Variants in CCDC13 observed in about 807,000 individuals in gnomAD.
The protein encoded by CCDC13 is coiled-coil domain containing 13.
CCDC13 carries 70 observed loss-of-function variants against 87.3 expected under a neutral mutation model. That is an observed-to-expected ratio of 0.80 (90% confidence interval 0.66 to 0.98). CCDC13 has a LOEUF of 0.98. Among genes scored for constraint, CCDC13 ranks in the 50% least tolerant of loss-of-function variants. CCDC13 has a pLI of 0.00. For synonymous variants in CCDC13, 317 were observed against 360.3 expected (o/e 0.88, Z 1.36); for missense variants, 842 against 892.0 (o/e 0.94, Z 0.71).
chr3:42,708,090 G>A lies in CCDC13; in HGVS notation c.*890C>T, dbSNP rs966645196. ...TGAAGCTCCAGCTGAGCCCCACCTC[G>A]GCCCTCTGCCACCAGCATCCATCAG... is the stretch of plus-strand genomic sequence containing the variant. On this transcript the variant is annotated 3_prime_UTR_variant, in exon 16 of 16. Transcript: ENST00000310232. 3.3e-5 allele frequency among the ~76,000 whole-genome samples: 5 copies of A among 152,100 alleles called. No individual in the cohort carries two copies. Among genetic ancestry groups the A allele is most frequent in the Admixed American group, 6.6e-5 (1 of 15,262 alleles).
At chr3:42,715,309 C>CA (rs60229512) in intron 13 of CCDC13, among the ~76,000 whole-genome samples, 84 of 143,656 alleles carry the variant, frequency 5.8e-4, no homozygotes, top group South Asian at 2.0e-3. Flanking sequence ...AACTCTGTCT[C>CA]AAAAAAAAAA....
chr3:42,740,347 A>ATG (rs1699175347), intron 8 of CCDC13, among the ~76,000 whole-genome samples: 4 of 152,080 alleles, frequency 2.6e-5, no homozygotes, highest in African/African-American at 9.7e-5. Flanking sequence ...GGAAACTCAC[A>ATG]TGCAGCACAC....
rs767449560 is a variant in CCDC13, at chr3:42,731,896, G to A, written c.1595+991C>T. Among the ~76,000 whole-genome samples the A allele has an allele frequency of 1.3e-4, 20 of 152,306 alleles. No homozygotes were observed. In the Middle Eastern group the frequency reaches 0.017, roughly 130 times the overall value. ...TATTTGTGTGTTGTGGAAGAAACAA[G>A]CCTGACAACCAGCAGTCTGGGCAGC... On this transcript the variant is annotated intron_variant, in intron 12 of 15. Coordinates refer to ENST00000310232, the MANE Select transcript of CCDC13 (RefSeq NM_144719.4).
At chr3:42,705,470 G>C (rs1432915338), downstream of CCDC13, among the ~76,000 whole-genome samples, 1 of 152,218 alleles carries the variant, frequency 6.6e-6, no homozygotes, top group East Asian at 1.9e-4. Flanking sequence ...GGTCTCACCT[G>C]TCAGTGCTGG....
intron 1 of CCDC13, among the ~76,000 whole-genome samples, chr3:42,769,123 A>G (rs551540132): frequency 7.9e-5 from 12 of 152,314 alleles, no homozygotes; most frequent in Admixed American, 2.6e-4. Context: ...GGGCAACAAG[A>G]GTGAAACGCC....
rs1486779371 is a variant in CCDC13 at position 42,735,771 on chromosome 3, A to G, written c.1307T>C (p.Met436Thr). ...CACTTTGGCCTCCCGCTCAGCTACC[A>G]TGGCCTGCAGCTGGGCGACTAGGCT... ...SNSLVAQLQA[M>T]VAEREAKVRQ... The change falls in exon 10 of 16, where the codon ATG becomes ACG. Residue 436 changes from methionine to threonine, a missense_variant. Transcript: ENST00000310232. 97 of 1,614,042 alleles carry G rather than the reference A, an allele frequency of 6.0e-5. No homozygotes were observed. The highest frequency in any genetic ancestry group is 8.1e-5 in the Non-Finnish European group (95 of 1,180,024).
At chr3:42,738,593 G>C (rs1027689305) in intron 9 of CCDC13, among the ~76,000 whole-genome samples, 1 of 152,178 alleles carries the variant, frequency 6.6e-6, no homozygotes, top group African/African-American at 2.4e-5. Context: ...TCATTGAGCA[G>C]TGGTTTGTAG....
chr3:42,742,520 A>T (rs1699252877), intron 8 of CCDC13, among the ~76,000 whole-genome samples: 1 of 152,098 alleles, frequency 6.6e-6, no homozygotes, highest in Admixed American at 6.5e-5. Context: ...CCTGGTGTTG[A>T]GTCCAGCCTG....
chr3:42,714,376 T>A lies in CCDC13; in HGVS notation c.1719-1060A>T, dbSNP rs573070601. The stretch of plus-strand genomic sequence containing the variant: ...AGCCTGTCTACGTTAGGACAATTAG[T>A]TAGAGCCATGACGCACAGTGTCATA... On this transcript the variant is annotated intron_variant, in intron 13 of 15. Coordinates refer to ENST00000310232, the MANE Select transcript of CCDC13 (RefSeq NM_144719.4). Among the ~76,000 whole-genome samples the A allele has an allele frequency of 6.6e-5, 10 of 152,358 alleles. No homozygotes were observed. The East Asian group carries it at 1.9e-3, about 29-fold the overall frequency.
intron 12 of CCDC13, among the ~76,000 whole-genome samples, chr3:42,731,768 C>T (rs1192323803): frequency 6.6e-6 from 1 of 152,216 alleles, no homozygotes; most frequent in Admixed American, 6.5e-5. Context: ...AATAGACATA[C>T]TCTCTGGGAT....
At chr3:42,744,423 C>T (rs1212514738) in intron 7 of CCDC13, among the ~76,000 whole-genome samples, 1 of 152,158 alleles carries the variant, frequency 6.6e-6, no homozygotes, top group Non-Finnish European at 1.5e-5. Context: ...AGGGCAGGAG[C>T]ACAGCTTTGA....
At chr3:42,720,720 TG>T (rs1219521627) in intron 13 of CCDC13, among the ~76,000 whole-genome samples, 1 of 152,168 alleles carries the variant, frequency 6.6e-6, no homozygotes, top group Non-Finnish European at 1.5e-5. Flanking sequence ...GGAAGGTTTG[TG>T]AAAAATTAAT....
rs1316597089 is a variant in CCDC13, at chr3:42,709,746, G to A, written c.1926C>T (p.Asp642=). The change falls in exon 15 of 16, where the codon GAC becomes GAT. Residue 642 remains aspartate (D), a synonymous_variant. Transcript: ENST00000310232. ...CATCGGAGAGCTGGGCAAAGGATGG[G>A]TCCTTCTTCTCGCTCCCGGTTGGGT... ...RHNPTGSEKK[D]PSFAQLSDVP... The A allele has an allele frequency of 1.2e-6, 2 of 1,614,186 alleles. No homozygotes were observed.
chr3:42,731,414 C>T (rs1353699917), intron 12 of CCDC13, among the ~76,000 whole-genome samples: 1 of 152,014 alleles, frequency 6.6e-6, no homozygotes, highest in African/African-American at 2.4e-5. Context: ...TTTAGATGGG[C>T]TCCGAGAACT....
chr3:42,705,037 G>A (rs1038497265), downstream of CCDC13: 1 of 152,352 alleles, frequency 6.6e-6, no homozygotes, highest in African/African-American at 2.4e-5. Flanking sequence ...TGTGTTGTAG[G>A]TTGTTCATGG....
At position 42,757,107 on chromosome 3, in the gene CCDC13, T is replaced by G. The variant is rs1352960467; in HGVS notation, c.329A>C (p.His110Pro). The change falls in exon 3 of 16, where the codon CAC (histidine) becomes CCC (proline). Residue 110 changes from histidine (H) to proline (P), a missense_variant. Transcript: ENST00000310232. ...LLKERDFEIKHLKKKIEEDRF... is the reference protein window; with the variant it reads ...LLKERDFEIKPLKKKIEEDRF... ...GTCCTCTTCTATTTTCTTTTTGAGG[T>G]GTTTGATTTCAAAGTCCCTTTCCTT... 6.2e-7 allele frequency: 1 copy of G among 1,614,080 alleles called. No homozygotes were observed. The highest frequency in any genetic ancestry group is 8.5e-7 in the Non-Finnish European group (1 of 1,180,034).
intron 13 of CCDC13, among the ~76,000 whole-genome samples, chr3:42,725,170 AAC>A (rs1247067572): frequency 6.6e-6 from 1 of 152,202 alleles, no homozygotes; most frequent in Non-Finnish European, 1.5e-5. Flanking sequence ...AGATTAATAA[AAC>A]ATAGTAACTG....
At chr3:42,767,725 C>T (rs1374034049) in intron 1 of CCDC13, among the ~76,000 whole-genome samples, 2 of 152,180 alleles carry the variant, frequency 1.3e-5, no homozygotes, top group Non-Finnish European at 2.9e-5. Context: ...AATCCCAGCA[C>T]TTTGGGAGGC....
chr3:42,752,989 T>A lies in CCDC13; in HGVS notation c.371-272A>T, dbSNP rs79483986. Among the ~76,000 whole-genome samples the A allele has an allele frequency of 5.2e-3, 798 of 152,344 alleles. 5 individuals carry two copies. Among genetic ancestry groups the A allele is most frequent in the Non-Finnish European group, 8.0e-3 (544 of 68,022 alleles). The stretch of plus-strand genomic sequence containing the variant: ...TTTAATTCTGTGAGACTCAGGTTTA[T>A]CACTCCGATGCTTCATGTAATCCTC... On this transcript the variant is annotated intron_variant, in intron 3 of 15. Coordinates refer to ENST00000310232, the MANE Select transcript of CCDC13 (RefSeq NM_144719.4).
Sources: gnomAD v4.1 joint callset for allele counts (sites outside exome capture counted in the v4.1 genomes callset) on GRCh38, gnomAD v4.1.1 for gene constraint, MANE v1.5 for transcripts, NCBI Gene and HGNC (gene_info 2026-07-23, HGNC 2026-07-21) for gene names.